The following PTPRA variants were observed in gnomAD, a reference collection of about 807,000 sequenced individuals.
The protein encoded by PTPRA is protein tyrosine phosphatase receptor type A, also known as receptor-type tyrosine-protein phosphatase alpha.
Under a neutral mutation model 104.8 loss-of-function variants are expected in PTPRA, and 25 were observed. The ratio of observed to expected loss-of-function variants is 0.24; its 90% CI spans 0.17 to 0.33. The LOEUF (loss-of-function observed/expected upper bound fraction) is 0.33, where lower values mean the gene tolerates loss of function less well. PTPRA is among the 10% of genes least tolerant of loss of function. The probability of loss-of-function intolerance (pLI) is 1.00; values close to 1 mark genes in which losing one functional copy is unlikely to be tolerated. For missense variants in PTPRA, 765 were observed against 1,015.3 expected (o/e 0.75, Z 3.35); for synonymous variants, 323 against 368.9 (o/e 0.88, Z 1.43).
At position 3,038,054 on chromosome 20, in the gene PTPRA, T is replaced by C; in HGVS notation, c.2335-5T>C. The C allele has an allele frequency of 6.2e-7, 1 of 1,608,652 alleles. No homozygotes were observed. Among genetic ancestry groups the C allele is most frequent in the African/African-American group, 1.3e-5 (1 of 74,942 alleles). On this transcript the variant is annotated splice_region_variant and splice_polypyrimidine_tract_variant and intron_variant, in intron 23 of 23. Transcript: ENST00000399903. ...CTGACTTTTTCCCTACCTTTCACTC[T>C]CCAGGAACAGTATGAGTTCTGCTAC...
At chr20:2,891,595 G>A (rs2058791767) in intron 1 of PTPRA, among the ~76,000 whole-genome samples, 1 of 150,702 alleles carries the variant, frequency 6.6e-6, no homozygotes, top group Non-Finnish European at 1.5e-5. Context: ...TATCTGTCAA[G>A]TCACTTATTG....
chr20:2,903,846 A>T (rs934356789), intron 1 of PTPRA, among the ~76,000 whole-genome samples: 2 of 151,850 alleles, frequency 1.3e-5, no homozygotes, highest in Non-Finnish European at 2.9e-5. Flanking sequence ...GCTCCTCCCT[A>T]CTCCAGATGA....
At chr20:2,947,698 T>C (rs961361126) in intron 2 of PTPRA, among the ~76,000 whole-genome samples, 5 of 152,156 alleles carry the variant, frequency 3.3e-5, no homozygotes, top group Admixed American at 1.3e-4. Context: ...CAGGAACTCT[T>C]TGCAAACACT....
chr20:2,888,123 A>G (rs2090479568), intron 1 of PTPRA, among the ~76,000 whole-genome samples: 1 of 152,084 alleles, frequency 6.6e-6, no homozygotes. Context: ...GGTTCTTGCT[A>G]CCAGCTGGTG....
intron 10 of PTPRA, among the ~76,000 whole-genome samples, chr20:3,005,977 G>C (rs2063849273): frequency 6.7e-6 from 1 of 150,232 alleles, no homozygotes; most frequent in Non-Finnish European, 1.5e-5. Flanking sequence ...TTTTATATTT[G>C]CTTTTCAAAA....
intron 1 of PTPRA, among the ~76,000 whole-genome samples, chr20:2,907,166 GTTGTT>G (rs966754941): frequency 6.6e-6 from 1 of 152,172 alleles, no homozygotes; most frequent in Admixed American, 6.5e-5. Context: ...ATATATAAGT[GTTGTT>G]CTGTCCTGTA....
intron 3 of PTPRA, among the ~76,000 whole-genome samples, chr20:2,956,978 T>C (rs762526725): frequency 2.1e-4 from 32 of 152,298 alleles, no homozygotes; most frequent in East Asian, 5.8e-4. Context: ...TGTTCGCCAG[T>C]GTGATAGATT....
Position 3,035,654 on chromosome 20 carries a change from A to G in PTPRA, c.1990A>G (p.Lys664Glu), listed in dbSNP as rs750877407. 13 of 1,613,918 alleles carry G rather than the reference A, an allele frequency of 8.1e-6. No individual in the cohort carries two copies. Among genetic ancestry groups the G allele is most frequent in the African/African-American group, 1.3e-5 (1 of 74,886 alleles). The part of the protein sequence containing the change: ...SYGDITVELK[K>E]EEECESYTVR... ...TGGAGATATTACAGTGGAACTGAAG[A>G]AGGAGGAGGAATGTGAGAGCTACAC... The change falls in exon 21 of 24, where the codon AAG (lysine) becomes GAG (glutamate). Residue 664 changes from lysine to glutamate, a missense_variant. Coordinates refer to ENST00000399903, the MANE Select transcript of PTPRA (RefSeq NM_001385305.1). The surrounding 1 kb of genome is among the most constrained non-coding windows in gnomAD (Gnocchi z 5.8).
intron 16 of PTPRA, 106 bp from the exon 17 acceptor site, chr20:3,024,366 G>C (rs2065032592): frequency 8.4e-7 from 1 of 1,196,636 alleles, no homozygotes; most frequent in African/African-American, 1.5e-5. Context: ...TTCCTGCTAG[G>C]ATCAAAGGAG....
chr20:3,014,333 C>A (rs150265822), intron 11 of PTPRA, among the ~76,000 whole-genome samples: 1 of 152,278 alleles, frequency 6.6e-6, no homozygotes, highest in Non-Finnish European at 1.5e-5. Flanking sequence ...CTTGTTTGAA[C>A]TGAAATTGAA....
At chr20:2,960,045 TG>T (rs2061690496) in intron 3 of PTPRA, among the ~76,000 whole-genome samples, 1 of 152,180 alleles carries the variant, frequency 6.6e-6, no homozygotes, top group South Asian at 2.1e-4. Flanking sequence ...TACACCACTG[TG>T]GTACCTTTGT....
Position 2,901,324 on chromosome 20 carries a change from A to G in PTPRA, c.-128-21883A>G, listed in dbSNP as rs372250833. ...TGCACTGCTCTCAGCTGAACTTTACACAGCTTTTACATTTCCCTCTGTCAG... is the reference window on the plus strand; with the variant it reads ...TGCACTGCTCTCAGCTGAACTTTACGCAGCTTTTACATTTCCCTCTGTCAG... On this transcript the variant is annotated intron_variant, in intron 1 of 23. Transcript: ENST00000399903. Among the ~76,000 whole-genome samples the G allele has an allele frequency of 9.9e-5, 15 of 152,000 alleles. No individual in the cohort carries two copies. The East Asian group carries it at 1.5e-3, about 16-fold the overall frequency.
intron 1 of PTPRA, among the ~76,000 whole-genome samples, chr20:2,909,985 T>TG (rs2059592168): frequency 3.0e-5 from 3 of 98,558 alleles, no homozygotes; most frequent in African/African-American, 1.3e-4. Context: ...ATCTATCATA[T>TG]ATCATATATA....
At chr20:3,017,138 T>C (rs2064505542) in intron 12 of PTPRA, among the ~76,000 whole-genome samples, 1 of 152,224 alleles carries the variant, frequency 6.6e-6, no homozygotes, top group African/African-American at 2.4e-5. Flanking sequence ...ATATCTTCTC[T>C]CAGTACCTTT....
At chr20:2,915,196 A>G (rs2059857831) in intron 1 of PTPRA, among the ~76,000 whole-genome samples, 1 of 151,982 alleles carries the variant, frequency 6.6e-6, no homozygotes, top group African/African-American at 2.4e-5. Flanking sequence ...GGCTCAAGTA[A>G]TCCTCCCACC....
rs779256686 is a variant in PTPRA at position 3,038,134 on chromosome 20, G to A, written c.*1G>A. On this transcript the variant is annotated 3_prime_UTR_variant, in exon 24 of 24. Coordinates refer to ENST00000399903, the MANE Select transcript of PTPRA (RefSeq NM_001385305.1). ...CTCAGATTATGCCAACTTCAAGTAA[G>A]CGGCAACAAGGGTCCGTGGACCAGG... 2 of 1,607,228 alleles carry A rather than the reference G, an allele frequency of 1.2e-6. No individual in the cohort carries two copies. Among genetic ancestry groups the A allele is most frequent in the Non-Finnish European group, 1.7e-6 (2 of 1,173,704 alleles).
intron 20 of PTPRA, among the ~76,000 whole-genome samples, chr20:3,033,763 G>A (rs750110410): frequency 4.0e-5 from 6 of 151,806 alleles, no homozygotes; most frequent in Non-Finnish European, 8.8e-5. Flanking sequence ...TAGCGGGCAT[G>A]GTGATGCATG....
intron 9 of PTPRA, among the ~76,000 whole-genome samples, chr20:2,998,814 A>G (rs1204359893): frequency 1.3e-5 from 2 of 152,108 alleles, no homozygotes; most frequent in African/African-American, 4.8e-5. Flanking sequence ...GACAAAATAT[A>G]AATTTTTCAC....
intron 1 of PTPRA, among the ~76,000 whole-genome samples, chr20:2,913,294 C>G (rs1040705770): frequency 6.6e-6 from 1 of 152,156 alleles, no homozygotes; most frequent in African/African-American, 2.4e-5. Flanking sequence ...ATGAGAATCA[C>G]TTGAACCTAG....
Sources: allele counts gnomAD v4.1 joint callset (sites outside exome capture counted in the v4.1 genomes callset), GRCh38; gene constraint gnomAD v4.1.1; non-coding constraint Gnocchi (gnomAD v3.1); transcripts MANE v1.5; gene names NCBI Gene and HGNC (gene_info 2026-07-23, HGNC 2026-07-21).